THSD7B: variants seen among roughly 807,000 people sequenced by gnomAD.
THSD7B encodes thrombospondin type 1 domain containing 7B.
A neutral mutation model predicts 213.6 loss-of-function variants in THSD7B; 138 were observed. The ratio of observed to expected loss-of-function variants is 0.65; its 90% CI spans 0.56 to 0.74. THSD7B has a LOEUF of 0.74. THSD7B is among the 30% of genes least tolerant of loss of function. The pLI is 0.00. For missense variants in THSD7B, 1,931 were observed against 1,991.5 expected, an observed-to-expected ratio of 0.97 and a Z score of 0.58; for synonymous variants, 742 against 687.0, an observed-to-expected ratio of 1.08 and a Z score of -1.25.
chr2:137,272,815 C>G (rs1682776990), intron 11 of THSD7B, among the ~76,000 whole-genome samples, 153 bp downstream of exon 11: 1 of 151,954 alleles, frequency 6.6e-6, no homozygotes, highest in Non-Finnish European at 1.5e-5. Flanking sequence ...ACCCTCTTAT[C>G]TGGAACATAT....
intron 17 of THSD7B, among the ~76,000 whole-genome samples, chr2:137,594,209 C>T (rs1269080913): frequency 6.6e-6 from 1 of 151,960 alleles, no homozygotes; most frequent in Non-Finnish European, 1.5e-5. Context: ...AGGATCTAGG[C>T]TTATATCTCC....
chr2:136,988,625 T>C (rs1448039501), intron 2 of THSD7B, among the ~76,000 whole-genome samples: 1 of 152,210 alleles, frequency 6.6e-6, no homozygotes, highest in Non-Finnish European at 1.5e-5. Context: ...TCTGAAAATT[T>C]ATGTTTTCCA....
At chr2:137,310,187 A>T (rs1189668768) in intron 12 of THSD7B, among the ~76,000 whole-genome samples, 1 of 152,088 alleles carries the variant, frequency 6.6e-6, no homozygotes, top group African/African-American at 2.4e-5. Context: ...CTTTTTAATG[A>T]TTGCCATTCT....
chr2:137,589,284 AT>A (rs1036658260), intron 17 of THSD7B, among the ~76,000 whole-genome samples: 1 of 152,166 alleles, frequency 6.6e-6, no homozygotes, highest in Non-Finnish European at 1.5e-5. Context: ...CTTAGAAAAA[AT>A]TTTACCTAAT....
At chr2:137,100,707 C>T (rs537391101) in intron 4 of THSD7B, among the ~76,000 whole-genome samples, 4 of 152,136 alleles carry the variant, frequency 2.6e-5, no homozygotes, top group Non-Finnish European at 5.9e-5. Flanking sequence ...ATTATACACT[C>T]GGCACTTTAT....
chr2:136,794,468 A>G (rs1201685150), intron 1 of THSD7B, among the ~76,000 whole-genome samples: 3 of 151,780 alleles, frequency 2.0e-5, no homozygotes, highest in African/African-American at 7.3e-5. Flanking sequence ...ATTTAGAGGT[A>G]TATTACTCAA....
At chr2:137,574,128 A>T (rs1681412444) in intron 17 of THSD7B, among the ~76,000 whole-genome samples, 1 of 152,086 alleles carries the variant, frequency 6.6e-6, no homozygotes, top group Non-Finnish European at 1.5e-5. Context: ...TTACTCACAG[A>T]AGACTCCATT....
At chr2:137,373,239 T>G (rs141104137) in intron 12 of THSD7B, among the ~76,000 whole-genome samples, 4,685 of 152,194 alleles carry the variant, frequency 0.031, 257 homozygotes, top group African/African-American at 0.11. Flanking sequence ...GGTCAAATGG[T>G]ATTTCTAGTT....
chr2:136,959,249 G>C (rs1044505916), intron 2 of THSD7B, among the ~76,000 whole-genome samples: 4 of 152,196 alleles, frequency 2.6e-5, no homozygotes, highest in African/African-American at 7.2e-5. Flanking sequence ...TGATAGTGCA[G>C]CATTGTGTCA....
chr2:137,115,278 C>A lies in THSD7B; in HGVS notation c.1354C>A (p.Leu452Met). The part of the protein sequence containing the change: ...CAQSVPAAAA[L>M]RAKEVSRPVE... ...CCAGAGCGTACCAGCAGCTGCCGCA[C>A]TGAGGGCCAAGGAAGGTAGGCAGCC... Residue 452 changes from leucine to methionine, a missense_variant, in exon 5 of 28, where the codon CTG (leucine) becomes ATG (methionine). Physicochemically the swap from Leu to Met is conservative, Grantham distance 15. Coordinates refer to ENST00000409968, the MANE Select transcript of THSD7B (RefSeq NM_001316349.2). 1 of 1,577,598 alleles carries A rather than the reference C, an allele frequency of 6.3e-7. No homozygotes were observed. The highest frequency in any genetic ancestry group is 8.6e-7 in the Non-Finnish European group (1 of 1,163,490).
intron 1 of THSD7B, among the ~76,000 whole-genome samples, chr2:136,858,818 T>C (rs1323747108): frequency 6.6e-6 from 1 of 152,212 alleles, no homozygotes; most frequent in Admixed American, 6.5e-5. Flanking sequence ...CCATAATATC[T>C]TCCCATGGTG....
At chr2:136,844,930 C>T (rs1177320713) in intron 1 of THSD7B, among the ~76,000 whole-genome samples, 1 of 152,218 alleles carries the variant, frequency 6.6e-6, no homozygotes, top group Non-Finnish European at 1.5e-5. Flanking sequence ...CTGAATTGCA[C>T]TTCACTTTCT....
chr2:137,341,310 T>C (rs1684756365), intron 12 of THSD7B, among the ~76,000 whole-genome samples: 1 of 151,624 alleles, frequency 6.6e-6, no homozygotes, highest in South Asian at 2.1e-4. Context: ...TGCTGTTGAG[T>C]TGTTTGAGCT....
At chr2:137,018,013 G>T (rs1014776537) in intron 2 of THSD7B, among the ~76,000 whole-genome samples, 7 of 150,572 alleles carry the variant, frequency 4.6e-5, no homozygotes, top group African/African-American at 1.7e-4. Flanking sequence ...CTTCTTTGGA[G>T]TTGATCCTTC....
rs116105181 is a variant in THSD7B at position 137,088,989 on chromosome 2, C to T, written c.951-5884C>T. On this transcript the variant is annotated intron_variant, in intron 3 of 27. Transcript: ENST00000409968. ...AAAAAATTAGTTGTGGTTGTGGATGCAGTGAACAAGGAACACTTCCGCCCT... is the reference window on the plus strand; with the variant it reads ...AAAAAATTAGTTGTGGTTGTGGATGTAGTGAACAAGGAACACTTCCGCCCT... 4.5e-3 allele frequency among the ~76,000 whole-genome samples: 683 copies of T among 152,110 alleles called. 5 individuals carry two copies. Among genetic ancestry groups the T allele is most frequent in the African/African-American group, 0.015 (631 of 41,492 alleles).
At chr2:137,555,155 C>T (rs1558837372) in intron 15 of THSD7B, among the ~76,000 whole-genome samples, 1 of 152,200 alleles carries the variant, frequency 6.6e-6, no homozygotes, top group Non-Finnish European at 1.5e-5. Context: ...GAAACCTCTG[C>T]AGACTTAAAT....
chr2:137,094,843 C>A, intron 3 of THSD7B, 30 bp from the exon 4 acceptor site: 1 of 1,600,444 alleles, frequency 6.2e-7, no homozygotes, highest in Non-Finnish European at 8.5e-7. Context: ...TAATATATGG[C>A]CTCCTATTTT....
intron 17 of THSD7B, among the ~76,000 whole-genome samples, chr2:137,607,115 A>G (rs756414673): frequency 1.3e-5 from 2 of 152,148 alleles, no homozygotes; most frequent in African/African-American, 2.4e-5. Flanking sequence ...TTAAGACGAT[A>G]TAACATTCCT....
intron 2 of THSD7B, among the ~76,000 whole-genome samples, chr2:136,895,699 C>T (rs113270801): frequency 6.6e-6 from 1 of 151,926 alleles, no homozygotes; most frequent in African/African-American, 2.4e-5. Flanking sequence ...GTTGTGCAGA[C>T]ATCAACACAA....
Sources: allele counts gnomAD v4.1 joint callset (sites outside exome capture counted in the v4.1 genomes callset), GRCh38; gene constraint gnomAD v4.1.1; transcripts MANE v1.5; gene names NCBI Gene and HGNC (gene_info 2026-07-23, HGNC 2026-07-21).